The following RBFOX1 variants were observed in gnomAD, a reference collection of about 807,000 sequenced individuals.
RBFOX1 encodes the protein RNA binding protein fox-1 homolog 1.
A neutral mutation model predicts 57.7 loss-of-function variants in RBFOX1; 8 were observed. That is an observed-to-expected ratio of 0.14 (90% CI 0.08 to 0.25). The LOEUF is 0.25. Ranked by LOEUF, RBFOX1 falls within the 10% of genes least tolerant of loss-of-function variation. The pLI is 1.00. For missense variants in RBFOX1, 611 were observed against 548.5 expected, an observed-to-expected ratio of 1.11 and a Z score of -1.14; for synonymous variants, 326 against 222.4, an observed-to-expected ratio of 1.47 and a Z score of -4.15.
intron 2 of RBFOX1, among the ~76,000 whole-genome samples, chr16:6,614,710 A>C (rs138182824): frequency 6.6e-6 from 1 of 152,084 alleles, no homozygotes. Context: ...TTATGGGTCT[A>C]TCACTCCAGT....
chr16:7,219,612 C>A (rs56969136), intron 4 of RBFOX1, among the ~76,000 whole-genome samples: 10,744 of 152,128 alleles, frequency 0.071, 1,038 homozygotes, highest in African/African-American at 0.22. Context: ...ACAAGCGTGG[C>A]GGATTTTTCA....
intron 3 of RBFOX1, among the ~76,000 whole-genome samples, chr16:6,659,908 G>C (rs762233866): frequency 9.9e-5 from 15 of 152,108 alleles, no homozygotes; most frequent in Non-Finnish European, 2.1e-4. Flanking sequence ...CAGCAGAGTA[G>C]ATACACGGGT....
intron 1 of RBFOX1, among the ~76,000 whole-genome samples, chr16:6,303,785 C>T (rs1293935612): frequency 7.0e-6 from 1 of 143,360 alleles, no homozygotes; most frequent in African/African-American, 2.6e-5. Flanking sequence ...ACCGGTCTGG[C>T]TAACATGGTG....
At chr16:6,885,519 ATTTTATTT>A (rs2063811926) in intron 3 of RBFOX1, among the ~76,000 whole-genome samples, 3 of 149,110 alleles carry the variant, frequency 2.0e-5, no homozygotes, top group African/African-American at 2.5e-5. Flanking sequence ...CTACTTCTGC[ATTTTATTT>A]TTTTATTTTT....
At chr16:6,783,441 CAA>C (rs34445060) in intron 3 of RBFOX1, among the ~76,000 whole-genome samples, 14,974 of 125,918 alleles carry the variant, frequency 0.12, 862 homozygotes, top group African/African-American at 0.17. Context: ...ATGAAGCTTG[CAA>C]AAAAAAAAAA....
chr16:7,229,644 GGA>G lies in RBFOX1; in HGVS notation c.27+177554_27+177555del, dbSNP rs557601498. 1.8e-3 allele frequency among the ~76,000 whole-genome samples: 202 copies of G among 111,636 alleles called. 2 individuals carry two copies. Among genetic ancestry groups the G allele is most frequent in the African/African-American group, 5.0e-3 (162 of 32,408 alleles). 73.2% of individuals were successfully genotyped at this position (111,636 alleles called of 152,430 possible). A position where few individuals can be genotyped will look rare whatever the true frequency, so the allele number is the denominator to read the frequency against. Reference sequence around the variant, plus strand: ...GATGGAGGGAGGGAAGGGAAGGAAGGGAGAGAGAGGGAGGAAGGGCAAAGGAA... The same window carrying G: ...GATGGAGGGAGGGAAGGGAAGGAAGGGAGAGAGGGAGGAAGGGCAAAGGAA... On this transcript the variant is annotated intron_variant, in intron 4 of 15. Transcript: ENST00000550418.
At chr16:6,029,894 T>C (rs750228457) in intron 1 of RBFOX1, among the ~76,000 whole-genome samples, 1 of 152,128 alleles carries the variant, frequency 6.6e-6, no homozygotes, top group Non-Finnish European at 1.5e-5. Context: ...TTCAACTCTC[T>C]AATGTTATTT....
rs2144803234 is a variant in RBFOX1, at chr16:7,653,805, T to C, written c.758-10T>C. 2 of 1,604,844 alleles carry C rather than the reference T, an allele frequency of 1.2e-6. No individual in the cohort carries two copies. Among genetic ancestry groups the C allele is most frequent in the South Asian group, 1.1e-5 (1 of 90,918 alleles). On this transcript the variant is annotated splice_polypyrimidine_tract_variant and intron_variant, in intron 11 of 15. Coordinates refer to ENST00000550418, the MANE Select transcript of RBFOX1 (RefSeq NM_018723.4). Reference sequence around the variant, plus strand: ...TGTGCTCTCTCTCTCTCTCTCCTCTTGCCCCGCAGTGCCAGGCTTCCCGTA... The same window carrying C: ...TGTGCTCTCTCTCTCTCTCTCCTCTCGCCCCGCAGTGCCAGGCTTCCCGTA...
intron 3 of RBFOX1, among the ~76,000 whole-genome samples, chr16:6,754,781 G>C (rs1378106161): frequency 1.3e-5 from 2 of 151,928 alleles, no homozygotes; most frequent in Non-Finnish European, 2.9e-5. Flanking sequence ...GTATACATGT[G>C]CCATGCTGGT....
intron 3 of RBFOX1, among the ~76,000 whole-genome samples, chr16:5,665,604 A>T (rs1329792052): frequency 6.6e-6 from 1 of 152,160 alleles, no homozygotes; most frequent in East Asian, 1.9e-4. Flanking sequence ...CCATCAGAGA[A>T]CCAGCGCCTG....
intron 3 of RBFOX1, among the ~76,000 whole-genome samples, chr16:6,674,986 A>T (rs1240680583): frequency 1.3e-5 from 2 of 151,866 alleles, no homozygotes; most frequent in African/African-American, 4.8e-5. Context: ...GCTCACTGCA[A>T]CCTCTGCCTC....
intron 3 of RBFOX1, among the ~76,000 whole-genome samples, chr16:5,827,871 G>GTCCATCCATCCA (rs58720656): frequency 2.3e-5 from 3 of 128,230 alleles, no homozygotes; most frequent in Admixed American, 1.5e-4. Context: ...CCAGGCTTTT[G>GTCCATCCATCCA]TCCATCCATC....
intron 3 of RBFOX1, among the ~76,000 whole-genome samples, chr16:7,034,479 G>A (rs2043707329): frequency 1.3e-5 from 2 of 152,096 alleles, no homozygotes; most frequent in Non-Finnish European, 2.9e-5. Context: ...CCAGCTGGCT[G>A]AAAGTGTATG....
intron 13 of RBFOX1, among the ~76,000 whole-genome samples, chr16:7,667,033 C>T (rs531606845): frequency 2.0e-5 from 3 of 152,212 alleles, no homozygotes; most frequent in Non-Finnish European, 4.4e-5. Context: ...GTTTTCCCCA[C>T]TCTTTATATT....
At chr16:5,707,903 A>G (rs1251874808) in intron 3 of RBFOX1, among the ~76,000 whole-genome samples, 1 of 152,174 alleles carries the variant, frequency 6.6e-6, no homozygotes, top group Non-Finnish European at 1.5e-5. Flanking sequence ...TGTACTTAAT[A>G]CTATTTGTAA....
Position 6,672,497 on chromosome 16 carries a change from G to T in RBFOX1, c.-16+17847G>T, listed in dbSNP as rs76216835. Among the ~76,000 whole-genome samples the T allele has an allele frequency of 8.6e-3, 1,287 of 150,504 alleles. 14 individuals are homozygous for T. The highest frequency in any genetic ancestry group is 0.029 in the African/African-American group (1,197 of 40,912). ...AAAGAAAAAAGAAAAAGGGAGGGAG[G>T]AAGAAAGGAAGGAAGATGGGAGAAA... On this transcript the variant is annotated intron_variant, in intron 3 of 15. Coordinates refer to ENST00000550418, the MANE Select transcript of RBFOX1 (RefSeq NM_018723.4).
At chr16:5,841,174 A>G (rs1351482916) in intron 3 of RBFOX1, among the ~76,000 whole-genome samples, 3 of 152,198 alleles carry the variant, frequency 2.0e-5, no homozygotes, top group Admixed American at 6.5e-5. Context: ...CATCTCCAAC[A>G]CTATATAGAG....
rs1027204548 is a variant in RBFOX1, at chr16:6,997,004, A to G, written c.-15-55053A>G. Among the ~76,000 whole-genome samples, 6 of 152,250 alleles carry G rather than the reference A, an allele frequency of 3.9e-5. No individual in the cohort carries two copies. In the East Asian group the frequency reaches 9.6e-4, roughly 24 times the overall value. ...AGATTTCCTCATCAGCTTTATACAT[A>G]TGTATATGTATATATGTTTATATTT... On this transcript the variant is annotated intron_variant, in intron 3 of 15. Coordinates refer to ENST00000550418, the MANE Select transcript of RBFOX1 (RefSeq NM_018723.4).
chr16:6,350,734 A>G (rs2152844398), intron 2 of RBFOX1, among the ~76,000 whole-genome samples: 1 of 152,314 alleles, frequency 6.6e-6, no homozygotes, highest in South Asian at 2.1e-4. Context: ...AAGCCTCATT[A>G]ACAACACTAG....
Sources: gnomAD v4.1 joint callset for allele counts (sites outside exome capture counted in the v4.1 genomes callset) on GRCh38, gnomAD v4.1.1 for gene constraint, MANE v1.5 for transcripts, NCBI Gene and HGNC (gene_info 2026-07-23, HGNC 2026-07-21) for gene names.